Variants in SPAG16 observed in about 807,000 individuals in gnomAD.
The protein encoded by SPAG16 is sperm associated antigen 16.
Under a neutral mutation model 80.4 loss-of-function variants are expected in SPAG16, and 86 were observed. The ratio of observed to expected loss-of-function variants is 1.07; its 90% confidence interval spans 0.90 to 1.28. The LOEUF is 1.28. Ranked by LOEUF, SPAG16 falls within the 50% of genes most tolerant of loss-of-function variation. SPAG16 has a pLI of 0.00. For synonymous variants in SPAG16, 294 were observed against 265.9 expected (o/e 1.11, Z -1.03); for missense variants, 870 against 765.3 (o/e 1.14, Z -1.61).
intron 15 of SPAG16, among the ~76,000 whole-genome samples, chr2:214,232,655 GT>G (rs1688784511): frequency 6.6e-6 from 1 of 151,942 alleles, no homozygotes. Flanking sequence ...TGTTTGGACA[GT>G]AGTTCATTTT....
At chr2:213,717,126 T>C (rs747148496) in intron 10 of SPAG16, among the ~76,000 whole-genome samples, 77 of 152,008 alleles carry the variant, frequency 5.1e-4, no homozygotes, top group Non-Finnish European at 1.0e-3. Flanking sequence ...GCTCCCTACG[T>C]AACTCAACTG....
chr2:213,453,367 A>G (rs1402682550), intron 9 of SPAG16, among the ~76,000 whole-genome samples: 1 of 152,194 alleles, frequency 6.6e-6, no homozygotes, highest in Non-Finnish European at 1.5e-5. Flanking sequence ...CTGACTCTAA[A>G]ACTACTATTC....
At position 213,575,731 on chromosome 2, in the gene SPAG16, A is replaced by G. The variant is rs184315494; in HGVS notation, c.1070+85641A>G. Among the ~76,000 whole-genome samples, 758 of 152,282 alleles carry G rather than the reference A, an allele frequency of 5.0e-3. 10 individuals are homozygous for G. The highest frequency in any genetic ancestry group is 6.5e-3 in the Non-Finnish European group (445 of 67,996). ...TAGTTGTTCAGCAATTCATATCAAC[A>G]TTATGTATTATTTCCACTAGTCAAT... On this transcript the variant is annotated intron_variant, in intron 10 of 15. Coordinates refer to ENST00000331683, the MANE Select transcript of SPAG16 (RefSeq NM_024532.5).
intron 10 of SPAG16, among the ~76,000 whole-genome samples, chr2:213,669,322 G>A (rs978966781): frequency 2.6e-5 from 4 of 152,178 alleles, no homozygotes; most frequent in African/African-American, 9.7e-5. Flanking sequence ...GGATAGAAGA[G>A]TAAACATTCT....
rs1319136853 is a variant in SPAG16 at position 214,339,029 on chromosome 2, T to TAAG, written c.1721-71110_1721-71108dup. ...AACAGAAAGCATTTTTGATATTTCA[T>TAAG]AAGTATTCAACCACAGCAATCAGAA... On this transcript the variant is annotated intron_variant, in intron 15 of 15. Coordinates refer to ENST00000331683, the MANE Select transcript of SPAG16 (RefSeq NM_024532.5). 2.6e-5 allele frequency among the ~76,000 whole-genome samples: 4 copies of TAAG among 152,218 alleles called. No homozygotes were observed. The East Asian group carries it at 5.8e-4, about 22-fold the overall frequency.
chr2:214,255,160 G>A (rs923088855), intron 15 of SPAG16, among the ~76,000 whole-genome samples: 1 of 151,992 alleles, frequency 6.6e-6, no homozygotes, highest in African/African-American at 2.4e-5. Flanking sequence ...AATCATCAGT[G>A]AATCCATTAT....
At chr2:213,510,352 G>T (rs1476263745) in intron 10 of SPAG16, among the ~76,000 whole-genome samples, 1 of 152,038 alleles carries the variant, frequency 6.6e-6, no homozygotes, top group Admixed American at 6.6e-5. Flanking sequence ...AATAAATTTA[G>T]TGAGATAACT....
chr2:213,994,614 A>G lies in SPAG16; in HGVS notation c.1401-19337A>G, dbSNP rs540699168. ...TTTTTTACAACATTAGGGGAAAATA[A>G]TTACTATTAAACCTTCTGTTTCCAT... On this transcript the variant is annotated intron_variant, in intron 12 of 15. Coordinates refer to ENST00000331683, the MANE Select transcript of SPAG16 (RefSeq NM_024532.5). 1.1e-3 allele frequency among the ~76,000 whole-genome samples: 161 copies of G among 150,108 alleles called. 1 individual carries two copies. The highest frequency in any genetic ancestry group is 3.6e-3 in the African/African-American group (147 of 40,710).
Position 213,865,473 on chromosome 2 carries a change from A to G in SPAG16, c.1214+2845A>G, listed in dbSNP as rs531857201. Among the ~76,000 whole-genome samples the G allele has an allele frequency of 7.2e-5, 11 of 151,874 alleles. No individual in the cohort carries two copies. The East Asian group carries it at 2.1e-3, about 29-fold the overall frequency. Reference sequence around the variant, plus strand: ...ATGAGATGTATCCAAAGCCGTATTCAGAGTAAAATTCATAGCTTTAAATTC... The same window carrying G: ...ATGAGATGTATCCAAAGCCGTATTCGGAGTAAAATTCATAGCTTTAAATTC... On this transcript the variant is annotated intron_variant, in intron 11 of 15. Transcript: ENST00000331683.
chr2:213,966,944 C>A (rs2106367868), intron 12 of SPAG16, among the ~76,000 whole-genome samples: 1 of 152,274 alleles, frequency 6.6e-6, no homozygotes, highest in South Asian at 2.1e-4. Flanking sequence ...CTGCTTTATT[C>A]TGACTCCAAA....
chr2:214,137,557 G>A (rs1187805685), intron 14 of SPAG16, among the ~76,000 whole-genome samples: 2 of 151,922 alleles, frequency 1.3e-5, no homozygotes, highest in Non-Finnish European at 2.9e-5. Context: ...TATCCTGATG[G>A]GGAAATATTT....
chr2:213,957,212 C>T (rs187394031), intron 12 of SPAG16, among the ~76,000 whole-genome samples: 1 of 152,064 alleles, frequency 6.6e-6, no homozygotes, highest in East Asian at 1.9e-4. Flanking sequence ...TATTGAAATG[C>T]AGGACACTGA....
At position 213,869,280 on chromosome 2, in the gene SPAG16, T is replaced by TATATATATATATAC. The variant is rs869276304; in HGVS notation, c.1214+6652_1214+6653insATATATATATATAC. ...AAAAAAAAAAATATATATATATATA[T>TATATATATATATAC]GTATATATATATGTATATATATATA... is the stretch of plus-strand genomic sequence containing the variant. On this transcript the variant is annotated intron_variant, in intron 11 of 15. Coordinates refer to ENST00000331683, the MANE Select transcript of SPAG16 (RefSeq NM_024532.5). Among the ~76,000 whole-genome samples the TATATATATATATAC allele has an allele frequency of 1.3e-3, 148 of 112,424 alleles. 1 individual carries two copies. The highest frequency in any genetic ancestry group is 3.8e-3 in the East Asian group (16 of 4,210). The allele number at this position is 112,424 out of a possible 152,430, so 73.8% of individuals were successfully genotyped here.
intron 15 of SPAG16, among the ~76,000 whole-genome samples, chr2:214,258,485 AT>A (rs1690879362): frequency 6.8e-6 from 1 of 147,626 alleles, no homozygotes; most frequent in Non-Finnish European, 1.5e-5. Context: ...ATATATATAT[AT>A]ATATACACAC....
chr2:214,152,358 A>G lies in SPAG16; in HGVS notation c.1720+3092A>G, dbSNP rs138209162. On this transcript the variant is annotated intron_variant, in intron 15 of 15. Transcript: ENST00000331683. The stretch of plus-strand genomic sequence containing the variant: ...GGTGAAGAAAAAGAATATAGACTAT[A>G]TATTTCAGACCCTTAGGTTTAATCA... Among the ~76,000 whole-genome samples, 8 of 152,312 alleles carry G rather than the reference A, an allele frequency of 5.3e-5. No individual in the cohort carries two copies. The East Asian group carries it at 1.2e-3, about 22-fold the overall frequency.
chr2:213,824,777 C>T (rs2073167860), intron 10 of SPAG16, among the ~76,000 whole-genome samples: 2 of 151,982 alleles, frequency 1.3e-5, no homozygotes, highest in Admixed American at 1.3e-4. Context: ...CTGGGAAAGT[C>T]ATTGGTATTT....
At chr2:213,647,439 AT>A (rs2062860366) in intron 10 of SPAG16, among the ~76,000 whole-genome samples, 1 of 151,998 alleles carries the variant, frequency 6.6e-6, no homozygotes, top group Admixed American at 6.6e-5. Flanking sequence ...GCATGCTATT[AT>A]TTTATTTTGC....
At chr2:214,061,933 T>A (rs1464881077) in intron 13 of SPAG16, among the ~76,000 whole-genome samples, 1 of 149,060 alleles carries the variant, frequency 6.7e-6, no homozygotes, top group Non-Finnish European at 1.5e-5. Flanking sequence ...CAGTGTTTGT[T>A]ATCCAATAAA....
At chr2:214,208,809 TC>T (rs2125740711) in intron 15 of SPAG16, among the ~76,000 whole-genome samples, 2 of 152,250 alleles carry the variant, frequency 1.3e-5, no homozygotes, top group Admixed American at 1.3e-4. Flanking sequence ...CACTTAATCT[TC>T]CTGTGCCTCA....
Sources: allele counts gnomAD v4.1 joint callset (sites outside exome capture counted in the v4.1 genomes callset), GRCh38; gene constraint gnomAD v4.1.1; transcripts MANE v1.5; gene names NCBI Gene and HGNC (gene_info 2026-07-23, HGNC 2026-07-21).